WWOX: variants seen among roughly 807,000 people sequenced by gnomAD.
WWOX encodes the protein WW domain containing oxidoreductase.
WWOX carries 69 observed loss-of-function variants against 46.2 expected under a neutral mutation model. That is an observed-to-expected ratio of 1.49 (90% CI 1.23 to 1.82). The LOEUF is 1.82. WWOX is among the 40% of genes most tolerant of loss of function. The pLI is 0.00. For synonymous variants in WWOX, 359 were observed against 202.6 expected, an observed-to-expected ratio of 1.77 and a Z score of -6.56; for missense variants, 919 against 542.6, an observed-to-expected ratio of 1.69 and a Z score of -6.89.
chr16:78,268,405 C>G (rs2079410547), intron 5 of WWOX, among the ~76,000 whole-genome samples: 1 of 152,000 alleles, frequency 6.6e-6, no homozygotes, highest in African/African-American at 2.4e-5. Flanking sequence ...GGTAGCCATA[C>G]TGAGATCCTG....
At chr16:79,100,483 G>T (rs1298503417) in intron 8 of WWOX, among the ~76,000 whole-genome samples, 2 of 152,074 alleles carry the variant, frequency 1.3e-5, no homozygotes, top group African/African-American at 4.8e-5. Context: ...TTACAGGCTT[G>T]TGTTGGCTTT....
chr16:79,166,170 T>G (rs894115148), intron 8 of WWOX, among the ~76,000 whole-genome samples: 1 of 152,170 alleles, frequency 6.6e-6, no homozygotes, highest in African/African-American at 2.4e-5. Flanking sequence ...TCATCTTGTT[T>G]TTAGGAAAAC....
At chr16:78,691,872 G>C (rs148400386) in intron 8 of WWOX, among the ~76,000 whole-genome samples, 1 of 152,144 alleles carries the variant, frequency 6.6e-6, no homozygotes, top group Non-Finnish European at 1.5e-5. Flanking sequence ...CACATGTTGT[G>C]GGAGGGACCC....
chr16:78,143,297 A>G (rs1304951548), intron 4 of WWOX, among the ~76,000 whole-genome samples: 1 of 152,190 alleles, frequency 6.6e-6, no homozygotes, highest in Non-Finnish European at 1.5e-5. Context: ...TGTTATAATT[A>G]TTCACATTTT....
At chr16:78,739,640 G>A (rs376469632) in intron 8 of WWOX, among the ~76,000 whole-genome samples, 1 of 151,988 alleles carries the variant, frequency 6.6e-6, no homozygotes, top group African/African-American at 2.4e-5. Flanking sequence ...GATAAACCTC[G>A]TCTCTACTGA....
At chr16:79,193,170 A>G (rs2051170887) in intron 8 of WWOX, among the ~76,000 whole-genome samples, 1 of 152,228 alleles carries the variant, frequency 6.6e-6, no homozygotes, top group South Asian at 2.1e-4. Flanking sequence ...AATACAGAAC[A>G]GAAAGCACAG....
At chr16:78,329,749 T>G (rs779120929) in intron 5 of WWOX, among the ~76,000 whole-genome samples, 4 of 151,628 alleles carry the variant, frequency 2.6e-5, no homozygotes, top group African/African-American at 9.7e-5. Flanking sequence ...TCTTTTTCTT[T>G]CTTTTTTTTT....
intron 8 of WWOX, among the ~76,000 whole-genome samples, chr16:78,793,394 G>A (rs2050658059): frequency 6.6e-6 from 1 of 152,082 alleles, no homozygotes; most frequent in African/African-American, 2.4e-5. Flanking sequence ...ACTTGGTATG[G>A]AACTGCACAG....
At chr16:78,564,063 A>G (rs1213601976) in intron 8 of WWOX, among the ~76,000 whole-genome samples, 3 of 152,206 alleles carry the variant, frequency 2.0e-5, no homozygotes, top group Non-Finnish European at 4.4e-5. Flanking sequence ...ACACAAGACC[A>G]TGTTTCCATA....
chr16:78,910,394 T>A (rs2045077868), intron 8 of WWOX, among the ~76,000 whole-genome samples: 1 of 152,002 alleles, frequency 6.6e-6, no homozygotes, highest in South Asian at 2.1e-4. Flanking sequence ...TTAAGCTTTT[T>A]CTGTATCAAG....
chr16:78,505,855 A>T (rs576563284), intron 8 of WWOX, among the ~76,000 whole-genome samples: 320 of 152,046 alleles, frequency 2.1e-3, no homozygotes, highest in African/African-American at 7.5e-3. Flanking sequence ...GGTGGAGAGG[A>T]CTCCAGGGCC....
intron 8 of WWOX, among the ~76,000 whole-genome samples, chr16:78,648,681 C>T (rs926113631): frequency 1.3e-5 from 2 of 152,156 alleles, no homozygotes; most frequent in Admixed American, 6.5e-5. Flanking sequence ...AGCCCACCTC[C>T]GGCTTCCCCA....
chr16:78,143,248 A>G (rs933557943), intron 4 of WWOX, among the ~76,000 whole-genome samples: 1 of 152,118 alleles, frequency 6.6e-6, no homozygotes, highest in African/African-American at 2.4e-5. Flanking sequence ...CTAAAATTAA[A>G]TTTTCTGTGG....
intron 8 of WWOX, among the ~76,000 whole-genome samples, chr16:78,568,278 G>A (rs1346663628): frequency 6.6e-6 from 1 of 151,920 alleles, no homozygotes; most frequent in African/African-American, 2.4e-5. Context: ...GAAGATGAGG[G>A]AGGAAAATGG....
chr16:79,101,686 G>A (rs562142413), intron 8 of WWOX: 43 of 150,360 alleles, frequency 2.9e-4, no homozygotes, highest in African/African-American at 1.1e-3. Context: ...ACTTTCCAAA[G>A]GGAATTACCT....
At position 78,910,874 on chromosome 16, in the gene WWOX, G is replaced by A. The variant is rs137987923; in HGVS notation, c.1057-300734G>A. Among the ~76,000 whole-genome samples the A allele has an allele frequency of 5.6e-3, 853 of 152,080 alleles. 6 individuals carry two copies. The highest frequency in any genetic ancestry group is 0.02 in the African/African-American group (813 of 41,546). On this transcript the variant is annotated intron_variant, in intron 8 of 8. Coordinates refer to ENST00000566780, the MANE Select transcript of WWOX (RefSeq NM_016373.4). ...CTATAATTCAAGATGAGATTTGGGT[G>A]GGGACACAGCCAAACCATATCAGAT...
chr16:78,674,053 G>A (rs1187775455), intron 8 of WWOX, among the ~76,000 whole-genome samples: 1 of 152,086 alleles, frequency 6.6e-6, no homozygotes, highest in African/African-American at 2.4e-5. Context: ...TTCTCGATGG[G>A]AACCGACTCA....
intron 8 of WWOX, among the ~76,000 whole-genome samples, chr16:78,957,644 C>T (rs954942719): frequency 8.5e-5 from 13 of 152,196 alleles, no homozygotes; most frequent in Admixed American, 2.0e-4. Flanking sequence ...CTAAAAACTA[C>T]AGATTCTATC....
At chr16:78,620,286 C>T (rs968014161) in intron 8 of WWOX, among the ~76,000 whole-genome samples, 7 of 152,170 alleles carry the variant, frequency 4.6e-5, no homozygotes, top group African/African-American at 1.7e-4. Flanking sequence ...AGGATTGGCC[C>T]ATGGCTTTCT....
Sources: gnomAD v4.1 joint callset for allele counts (sites outside exome capture counted in the v4.1 genomes callset) on GRCh38, gnomAD v4.1.1 for gene constraint, MANE v1.5 for transcripts, NCBI Gene and HGNC (gene_info 2026-07-23, HGNC 2026-07-21) for gene names.